Variants in ZFAT observed in about 807,000 individuals in gnomAD.
ZFAT encodes zinc finger and AT-hook domain containing, also known as zinc finger protein ZFAT.
Under a neutral mutation model 117.7 loss-of-function variants are expected in ZFAT, and 64 were observed. The ratio of observed to expected loss-of-function variants is 0.54; its 90% CI spans 0.44 to 0.67. The LOEUF (loss-of-function observed/expected upper bound fraction) is 0.67. ZFAT is among the 30% of genes least tolerant of loss of function. The pLI is 0.00. For synonymous variants in ZFAT, 679 were observed against 615.0 expected, an observed-to-expected ratio of 1.10 and a Z score of -1.54; for missense variants, 1,433 against 1,584.5, an observed-to-expected ratio of 0.90 and a Z score of 1.62.
At chr8:134,761,690 C>T in the ZFAT span, among the ~76,000 whole-genome samples, 1 of 151,566 alleles carries the variant, frequency 6.6e-6, no homozygotes, top group South Asian at 2.1e-4. Context: ...CAAAGCGAGA[C>T]TCCGTTTCAA....
rs151006197 is a variant in ZFAT at position 134,604,365 on chromosome 8, C to T, written c.786-1432G>A. 1.1e-3 allele frequency among the ~76,000 whole-genome samples: 161 copies of T among 152,296 alleles called. 3 individuals are homozygous for T. In the East Asian group the frequency reaches 0.029, roughly 27 times the overall value. On this transcript the variant is annotated intron_variant, in intron 5 of 15. Transcript: ENST00000377838. ...ACCACCTGAAATCACTGACACGCAG[C>T]GACCCTGCCCCAGAGTGACTGTACT...
chr8:134,607,119 T>C (rs1455315643), intron 5 of ZFAT, among the ~76,000 whole-genome samples: 1 of 152,194 alleles, frequency 6.6e-6, no homozygotes, highest in Non-Finnish European at 1.5e-5. Context: ...ATTCAGTGTA[T>C]TTACCTGTAA....
At chr8:134,492,707 G>A (rs1275856157) in intron 15 of ZFAT, among the ~76,000 whole-genome samples, 1 of 152,222 alleles carries the variant, frequency 6.6e-6, no homozygotes, top group Admixed American at 6.5e-5. Context: ...AGTTGTATAA[G>A]TCAGAAACAA....
intron 1 of ZFAT, among the ~76,000 whole-genome samples, chr8:134,669,070 T>A (rs573718882): frequency 1.3e-5 from 2 of 152,092 alleles, no homozygotes; most frequent in East Asian, 3.9e-4. Flanking sequence ...GAAAAAGAAA[T>A]GAACAAAGCC....
chr8:134,504,879 G>C (rs904358531), intron 15 of ZFAT, among the ~76,000 whole-genome samples: 2 of 152,050 alleles, frequency 1.3e-5, no homozygotes, highest in Non-Finnish European at 2.9e-5. Flanking sequence ...CCAGCCACCA[G>C]CTCCTGTACC....
At chr8:134,685,577 C>T (rs1833279858) in intron 1 of ZFAT, among the ~76,000 whole-genome samples, 1 of 152,170 alleles carries the variant, frequency 6.6e-6, no homozygotes, top group South Asian at 2.1e-4. Context: ...GATACCAACC[C>T]ACCCCAAACC....
chr8:134,483,597 T>C (rs943394151), intron 15 of ZFAT, among the ~76,000 whole-genome samples: 2 of 152,246 alleles, frequency 1.3e-5, no homozygotes, highest in African/African-American at 4.8e-5. Context: ...ACAGTGTCAT[T>C]ATCCCCTGAG....
chr8:134,673,773 A>G (rs1052036301), intron 1 of ZFAT, among the ~76,000 whole-genome samples: 1 of 152,198 alleles, frequency 6.6e-6, no homozygotes, highest in African/African-American at 2.4e-5. Context: ...AAGTATTCCC[A>G]TGTATTTTAG....
intron 11 of ZFAT, among the ~76,000 whole-genome samples, chr8:134,558,628 T>C (rs2034016): frequency 0.79 from 120,015 of 152,104 alleles, 47,674 homozygotes; most frequent in East Asian, 0.92. Context: ...TGTAATCTCA[T>C]CGAAAAGTAT....
intron 1 of ZFAT, among the ~76,000 whole-genome samples, chr8:134,666,844 G>A (rs1188524707): frequency 6.6e-6 from 1 of 152,154 alleles, no homozygotes; most frequent in African/African-American, 2.4e-5. Flanking sequence ...AGTATTCAAA[G>A]AAATTATAGC....
chr8:134,669,431 G>T (rs1023688017), intron 1 of ZFAT, among the ~76,000 whole-genome samples: 1 of 152,218 alleles, frequency 6.6e-6, no homozygotes, highest in Non-Finnish European at 1.5e-5. Context: ...AGCCAGAAGA[G>T]AGTGGAAGCC....
chr8:134,546,187 A>T (rs562056827), intron 11 of ZFAT, among the ~76,000 whole-genome samples: 1 of 152,342 alleles, frequency 6.6e-6, no homozygotes, highest in Admixed American at 6.5e-5. Flanking sequence ...CTATAGTAGG[A>T]ATTTCTCTCT....
intron 11 of ZFAT, among the ~76,000 whole-genome samples, chr8:134,562,441 C>T (rs1824122881): frequency 6.6e-6 from 1 of 152,144 alleles, no homozygotes; most frequent in African/African-American, 2.4e-5. Context: ...GAGTGATTAT[C>T]ACTATTTGGA....
chr8:134,571,670 C>G (rs1411111227), intron 10 of ZFAT, among the ~76,000 whole-genome samples: 3 of 152,178 alleles, frequency 2.0e-5, no homozygotes, highest in Non-Finnish European at 4.4e-5. Context: ...ACAGCACACT[C>G]TCCTACACAG....
At chr8:134,698,810 A>C (rs1280643571) in intron 1 of ZFAT, among the ~76,000 whole-genome samples, 2 of 152,154 alleles carry the variant, frequency 1.3e-5, no homozygotes, top group African/African-American at 4.8e-5. Context: ...GTTCCTGCCT[A>C]CCTGATGTCT....
At chr8:134,601,385 T>C (rs1007671033) in intron 6 of ZFAT, 92 bp downstream of exon 6, 2 of 1,504,342 alleles carry the variant, frequency 1.3e-6, no homozygotes, top group Non-Finnish European at 1.8e-6. Context: ...GAAGGTATTC[T>C]TTGCAAACAG....
chr8:134,489,314 A>G (rs908463885), intron 15 of ZFAT, among the ~76,000 whole-genome samples: 2 of 151,970 alleles, frequency 1.3e-5, no homozygotes, highest in Non-Finnish European at 2.9e-5. Flanking sequence ...AGGAGCCTCT[A>G]TGGTCTATCT....
At chr8:134,779,192 C>T in the ZFAT span, among the ~76,000 whole-genome samples, 1 of 152,086 alleles carries the variant, frequency 6.6e-6, no homozygotes, top group African/African-American at 2.4e-5. Context: ...TTTTTTTCCT[C>T]ATTCCCCGCA....
chr8:134,481,363 G>T (rs7812595), intron 15 of ZFAT, among the ~76,000 whole-genome samples: 8,695 of 152,180 alleles, frequency 0.057, 252 homozygotes, highest in East Asian at 0.071. Flanking sequence ...CCACACTTCA[G>T]GTAAACAGAC....
Sources: gnomAD v4.1 joint callset for allele counts (sites outside exome capture counted in the v4.1 genomes callset) on GRCh38, gnomAD v4.1.1 for gene constraint, MANE v1.5 for transcripts, NCBI Gene and HGNC (gene_info 2026-07-23, HGNC 2026-07-21) for gene names.